The following HPD variants were observed in gnomAD, a reference collection of about 807,000 sequenced individuals.
The protein encoded by HPD is 4-hydroxyphenylpyruvic acid oxidase.
In HPD, 35 loss-of-function variants were observed where a neutral mutation model predicts 56.9. The ratio of observed to expected loss-of-function variants is 0.62; its 90% confidence interval spans 0.47 to 0.82. The LOEUF (loss-of-function observed/expected upper bound fraction) is 0.82, where lower values mean the gene tolerates loss of function less well. HPD is among the 40% of genes least tolerant of loss of function. The pLI is 0.00. For synonymous variants in HPD, 186 were observed against 200.2 expected (o/e 0.93, Z 0.60); for missense variants, 442 against 506.8 (o/e 0.87, Z 1.23).
In HPD at chr12:121,847,093, T is replaced by G; in HGVS notation, c.718A>C (p.Ile240Leu). The G allele has an allele frequency of 1.2e-6, 2 of 1,614,154 alleles. No homozygotes were observed. The highest frequency in any genetic ancestry group is 1.7e-6 in the Non-Finnish European group (2 of 1,180,036). ...ANYEESIKMP[I>L]NEPAPGKKKS... ...TTCTTGCCAGGCGCTGGCTCATTGATGGGCATCTTGATGGACTCTTCATAG... is the reference window on the plus strand; with the variant it reads ...TTCTTGCCAGGCGCTGGCTCATTGAGGGGCATCTTGATGGACTCTTCATAG... The change falls in exon 10 of 14, where the codon ATC becomes CTC. Residue 240 changes from isoleucine to leucine, a missense_variant. By Grantham distance (5) the Ile-to-Leu change is conservative. Coordinates refer to ENST00000289004, the MANE Select transcript of HPD (RefSeq NM_002150.3).
Position 121,847,123 on chromosome 12 carries a change from C to T in HPD, c.688G>A (p.Ala230Thr), listed in dbSNP as rs2137616170. 1.2e-6 allele frequency: 2 copies of T among 1,614,190 alleles called. No individual in the cohort carries two copies. Among genetic ancestry groups the T allele is most frequent in the South Asian group, 2.2e-5 (2 of 91,090 alleles). Residue 230 changes from alanine (A) to threonine (T), a missense_variant, in exon 10 of 14, where the codon GCC (alanine) becomes ACC (threonine). Ala to Thr is a moderately conservative substitution (Grantham distance 58). Coordinates refer to ENST00000289004, the MANE Select transcript of HPD (RefSeq NM_002150.3). ...ATCTTGATGGACTCTTCATAGTTGG[C>T]CACCACAATGGATCGCAGAGAGCTA... ...EYSSLRSIVVANYEESIKMPI... is the reference protein window; with the variant it reads ...EYSSLRSIVVTNYEESIKMPI...
intron 9 of HPD, among the ~76,000 whole-genome samples, chr12:121,847,678 C>T (rs995422133): frequency 1.3e-5 from 2 of 152,168 alleles, no homozygotes; most frequent in African/African-American, 2.4e-5. Flanking sequence ...GCTGGGATTA[C>T]AGGCATGCAC....
At chr12:121,868,432 A>T (rs1442739977), upstream of HPD, among the ~76,000 whole-genome samples, 1 of 150,402 alleles carries the variant, frequency 6.6e-6, no homozygotes, top group African/African-American at 2.5e-5. Context: ...GCCTCAAGTG[A>T]TCCTCCCGTC....
upstream of HPD, among the ~76,000 whole-genome samples, chr12:121,861,942 C>T (rs1261962271): frequency 6.6e-6 from 1 of 151,844 alleles, no homozygotes; most frequent in Non-Finnish European, 1.5e-5. Flanking sequence ...CCCAAGAGGT[C>T]GAGGCTGCAA....
At position 121,855,056 on chromosome 12, in the gene HPD, T is replaced by G. The variant is rs2596140; in HGVS notation, c.325-264A>C. ...GGGTGTCTGTCCTGCCTCTGCTAAC[T>G]CCCCCTGTGATCAGTCCCCTTCTCT... On this transcript the variant is annotated intron_variant, in intron 6 of 13. Coordinates refer to ENST00000289004, the MANE Select transcript of HPD (RefSeq NM_002150.3). Among the ~76,000 whole-genome samples, 68,669 of 151,840 alleles carry G rather than the reference T, an allele frequency of 0.45. 16,158 individuals carry two copies. The highest frequency in any genetic ancestry group is 0.76 in the East Asian group (3,903 of 5,162).
At chr12:121,856,254 G>A in intron 6 of HPD, 70 bp downstream of exon 6, 1 of 1,186,676 alleles carries the variant, frequency 8.4e-7, no homozygotes, top group East Asian at 2.3e-5. Flanking sequence ...TGTCCTTCCA[G>A]CCCTGACTGA....
At chr12:121,888,453 C>A in the HPD span, among the ~76,000 whole-genome samples, 1 of 152,304 alleles carries the variant, frequency 6.6e-6, no homozygotes, top group Non-Finnish European at 1.5e-5. Context: ...TCCTCCAGGG[C>A]TGTGTGGATG....
At position 121,857,538 on chromosome 12, in the gene HPD, C is replaced by T. The variant is rs1878049501; in HGVS notation, c.94-106G>A. The stretch of plus-strand genomic sequence containing the variant: ...CCTCAGCCTGCCTGCCCTATTGCCT[C>T]AGGGGCAGAGACCCTCCTGGGAAGA... On this transcript the variant is annotated intron_variant, in intron 3 of 13. Transcript: ENST00000289004. The T allele has an allele frequency of 3.2e-6, 3 of 952,130 alleles. No individual in the cohort carries two copies. The Admixed American group carries it at 5.5e-5, about 17-fold the overall frequency. 59.0% of individuals were successfully genotyped at this position (952,130 alleles called of 1,614,324 possible).
chr12:121,839,638 C>T lies in HPD; in HGVS notation c.*90G>A. ...GGCCGAGTCCGCTGGTGGGCGGGAC[C>T]CAAGGGGAGCAGCCAGTAGGGAAGT... On this transcript the variant is annotated 3_prime_UTR_variant, in exon 14 of 14. Transcript: ENST00000289004. 1 of 978,398 alleles carries T rather than the reference C, an allele frequency of 1.0e-6. No individual in the cohort carries two copies. 60.6% of individuals were successfully genotyped at this position (978,398 alleles called of 1,614,324 possible).
At chr12:121,846,768 G>T (rs1877597440) in intron 11 of HPD, 94 bp downstream of exon 11, 2 of 1,157,704 alleles carry the variant, frequency 1.7e-6, no homozygotes, top group Admixed American at 3.8e-5. Flanking sequence ...AGAGAAACGG[G>T]CCCAGGACTG....
chr12:121,883,180 TTGTGTGTGTG>T, the HPD span, among the ~76,000 whole-genome samples: 33,342 of 115,538 alleles, frequency 0.29, 4,808 homozygotes, highest in Non-Finnish European at 0.38. Context: ...GGAGCATAAG[TTGTGTGTGTG>T]TGTGTGTGTG....
Position 121,839,549 on chromosome 12 carries a change from C to T in HPD, c.*179G>A. 1.6e-6 allele frequency: 1 copy of T among 633,152 alleles called. No individual in the cohort carries two copies. The highest frequency in any genetic ancestry group is 2.8e-6 in the Non-Finnish European group (1 of 354,380). 39.2% of individuals were successfully genotyped at this position (633,152 alleles called of 1,614,324 possible). ...GTATTGGACCGGGGCACGCTTTAATCGGGAGGGCTGGAGCAGAGGGCGGCC... is the reference window on the plus strand; with the variant it reads ...GTATTGGACCGGGGCACGCTTTAATTGGGAGGGCTGGAGCAGAGGGCGGCC... On this transcript the variant is annotated 3_prime_UTR_variant, in exon 14 of 14. Coordinates refer to ENST00000289004, the MANE Select transcript of HPD (RefSeq NM_002150.3).
chr12:121,839,901 T>C, intron 13 of HPD, 31 bp downstream of exon 13: 1 of 1,604,696 alleles, frequency 6.2e-7, no homozygotes, highest in Non-Finnish European at 8.5e-7. Flanking sequence ...TAGCTGCCTG[T>C]CCCCTCGGGC....
At chr12:121,869,208 G>A in the HPD span, among the ~76,000 whole-genome samples, 1 of 152,034 alleles carries the variant, frequency 6.6e-6, no homozygotes, top group Non-Finnish European at 1.5e-5. Flanking sequence ...AAATTAACCG[G>A]ACATGGTGGC....
In HPD at chr12:121,857,852, C is replaced by T. The variant is rs778690843; in HGVS notation, c.31-33G>A. ...AGGAGAGAAGAGGTGAGGTTGAGTCCCTGAAAGTGAGTCTAGAAAAGTGCG... is the reference window on the plus strand; with the variant it reads ...AGGAGAGAAGAGGTGAGGTTGAGTCTCTGAAAGTGAGTCTAGAAAAGTGCG... On this transcript the variant is annotated intron_variant, in intron 2 of 13. Coordinates refer to ENST00000289004, the MANE Select transcript of HPD (RefSeq NM_002150.3). 4.4e-6 allele frequency: 7 copies of T among 1,574,258 alleles called. No homozygotes were observed. The South Asian group carries it at 7.8e-5, about 17-fold the overall frequency.
At chr12:121,843,024 G>T (rs1877460295) in intron 12 of HPD, among the ~76,000 whole-genome samples, 1 of 152,100 alleles carries the variant, frequency 6.6e-6, no homozygotes, top group African/African-American at 2.4e-5. Flanking sequence ...GAGATTACAA[G>T]CATGAACCAC....
chr12:121,868,439 C>G (rs1001342846), upstream of HPD, among the ~76,000 whole-genome samples: 1 of 151,654 alleles, frequency 6.6e-6, no homozygotes, highest in East Asian at 1.9e-4. Context: ...GTGATCCTCC[C>G]GTCTCAGCCT....
chr12:121,888,289 C>T, the HPD span, among the ~76,000 whole-genome samples: 2 of 152,104 alleles, frequency 1.3e-5, no homozygotes, highest in Admixed American at 1.3e-4. Flanking sequence ...TCAATTACTG[C>T]CCCATTTTAC....
At chr12:121,874,749 C>G in the HPD span, among the ~76,000 whole-genome samples, 2 of 148,896 alleles carry the variant, frequency 1.3e-5, no homozygotes, top group African/African-American at 5.0e-5. Flanking sequence ...AACATCTGAA[C>G]TTTCTTTGTC....
Sources: gnomAD v4.1 joint callset for allele counts (sites outside exome capture counted in the v4.1 genomes callset) on GRCh38, gnomAD v4.1.1 for gene constraint, MANE v1.5 for transcripts, NCBI Gene and HGNC (gene_info 2026-07-23, HGNC 2026-07-21) for gene names.